Variants in TTYH2 observed in about 807,000 individuals in gnomAD.
The protein encoded by TTYH2 is protein tweety homolog 2.
A neutral mutation model predicts 68.3 loss-of-function variants in TTYH2; 49 were observed. That is an observed-to-expected ratio of 0.72 (90% CI 0.57 to 0.91). The LOEUF is 0.91. TTYH2 is among the 40% of genes least tolerant of loss of function. The pLI, the probability that TTYH2 is intolerant of heterozygous loss-of-function variation, is 0.00. For synonymous variants in TTYH2, 272 were observed against 300.8 expected, an observed-to-expected ratio of 0.90 and a Z score of 0.99; for missense variants, 631 against 700.4, an observed-to-expected ratio of 0.90 and a Z score of 1.12.
rs2050529029 is a variant in TTYH2 at position 74,243,989 on chromosome 17, T to C, written c.744T>C (p.Cys248=). ...GCCTCTCTCCTAGGATGCTGTGCTG[T>C]GGGGCACTGAGCCTGCTCCTCAGTT... ...SKCLLASMLC[C]GALSLLLSWA... is the part of the protein sequence containing the mutation. Residue 248 remains cysteine, a synonymous_variant, in exon 6 of 14, where the codon TGT becomes TGC. Coordinates refer to ENST00000269346, the MANE Select transcript of TTYH2 (RefSeq NM_032646.6). The C allele has an allele frequency of 1.9e-6, 3 of 1,612,028 alleles. No homozygotes were observed. The highest frequency in any genetic ancestry group is 1.1e-5 in the South Asian group (1 of 91,068).
intron 1 of TTYH2, among the ~76,000 whole-genome samples, chr17:74,216,415 A>C (rs555077445): frequency 6.6e-6 from 1 of 152,256 alleles, no homozygotes; most frequent in African/African-American, 2.4e-5. Context: ...GGGGGATCTC[A>C]AAGGCAAGGG....
In TTYH2 at chr17:74,217,921, C is replaced by A. The variant is rs887739442; in HGVS notation, c.129+4205C>A. Among the ~76,000 whole-genome samples, 1 of 151,664 alleles carries A rather than the reference C, an allele frequency of 6.6e-6. No individual in the cohort carries two copies. Among genetic ancestry groups the A allele is most frequent in the African/African-American group, 2.4e-5 (1 of 41,034 alleles). Reference sequence around the variant, plus strand: ...TGAGCACCAGTGTGGGAGCTGGGGGCCTGGTGTTGCTGTGGGACAAGGAGG... The same window carrying A: ...TGAGCACCAGTGTGGGAGCTGGGGGACTGGTGTTGCTGTGGGACAAGGAGG... On this transcript the variant is annotated intron_variant, in intron 1 of 13. Coordinates refer to ENST00000269346, the MANE Select transcript of TTYH2 (RefSeq NM_032646.6). This position sits in a 1 kb window ranked among gnomAD's most constrained non-coding sequence, Gnocchi z 4.0.
intron 13 of TTYH2, among the ~76,000 whole-genome samples, chr17:74,256,461 C>T (rs1371083584): frequency 2.0e-5 from 3 of 152,104 alleles, no homozygotes; most frequent in Non-Finnish European, 4.4e-5. Flanking sequence ...TGCTAGCAAG[C>T]CTGCTGGAAC....
rs776995545 is a variant in TTYH2 at position 74,222,634 on chromosome 17, C to T, written c.279C>T (p.Ala93=). ...QHHSCCITWT[A]VVAGLICCAA... ...ACTCCTGCTGCATCACCTGGACGGC[C>T]GTGGTGGCCGGGCTCATCTGCTGGT... The change falls in exon 2 of 14, where the codon GCC becomes GCT. Residue 93 remains alanine, a synonymous_variant. Coordinates refer to ENST00000269346, the MANE Select transcript of TTYH2 (RefSeq NM_032646.6). The surrounding 1 kb of genome is among the most constrained non-coding windows in gnomAD (Gnocchi z 5.2). 6.2e-6 allele frequency: 10 copies of T among 1,610,124 alleles called. No homozygotes were observed. The highest frequency in any genetic ancestry group is 5.5e-5 in the South Asian group (5 of 91,022).
intron 3 of TTYH2, among the ~76,000 whole-genome samples, chr17:74,236,825 G>T (rs947179578): frequency 1.3e-5 from 2 of 152,050 alleles, no homozygotes; most frequent in Admixed American, 1.3e-4. Context: ...TCCTCCAGGG[G>T]CACAGGCTCG....
At chr17:74,247,808 T>C (rs1180351130) in intron 6 of TTYH2, 1 of 152,332 alleles carries the variant, frequency 6.6e-6, no homozygotes, top group Non-Finnish European at 1.5e-5. Flanking sequence ...GGTTTGTGTA[T>C]AAAGCATTTC....
Position 74,233,679 on chromosome 17 carries a change from C to A in TTYH2, c.414+2680C>A, listed in dbSNP as rs528508924. The stretch of plus-strand genomic sequence containing the variant: ...AGTCCTCCTTTCCTGGACTGGAAGC[C>A]CCATACCTATGCACGTCCAACTAGA... On this transcript the variant is annotated intron_variant, in intron 3 of 13. Transcript: ENST00000269346. 2.0e-5 allele frequency among the ~76,000 whole-genome samples: 3 copies of A among 152,200 alleles called. No homozygotes were observed. The East Asian group carries it at 5.8e-4, about 29-fold the overall frequency.
rs533855127 is a variant in TTYH2, at chr17:74,214,251, A to T, written c.129+535A>T. On this transcript the variant is annotated intron_variant, in intron 1 of 13. Coordinates refer to ENST00000269346, the MANE Select transcript of TTYH2 (RefSeq NM_032646.6). This position sits in a 1 kb window ranked among gnomAD's most constrained non-coding sequence, Gnocchi z 4.6. ...CCCCAGCCCCGGCCTGCAGGGTGGG[A>T]GTCTCAGCTGGAAGGCTGCAGGGCT... is the stretch of plus-strand genomic sequence containing the variant. Among the ~76,000 whole-genome samples the T allele has an allele frequency of 2.0e-4, 30 of 152,022 alleles. No homozygotes were observed. The highest frequency in any genetic ancestry group is 6.5e-4 in the African/African-American group (27 of 41,448).
intron 1 of TTYH2, among the ~76,000 whole-genome samples, chr17:74,218,596 G>A (rs976320520): frequency 5.9e-5 from 9 of 152,116 alleles, no homozygotes; most frequent in Non-Finnish European, 2.9e-5. Context: ...GAGCTGGACA[G>A]CATTATCAGA....
chr17:74,260,330 C>A lies in TTYH2; in HGVS notation c.*121C>A. The A allele has an allele frequency of 1.0e-6, 1 of 1,002,272 alleles. No individual in the cohort carries two copies. Among genetic ancestry groups the A allele is most frequent in the Non-Finnish European group, 1.5e-6 (1 of 655,934 alleles). 62.1% of individuals were successfully genotyped at this position (1,002,272 alleles called of 1,614,324 possible). A position where few individuals can be genotyped will look rare whatever the true frequency, so the allele number is the denominator to read the frequency against. On this transcript the variant is annotated 3_prime_UTR_variant, in exon 14 of 14. Transcript: ENST00000269346. ...GAGCCCGAGAGGCCTCCTGCTGTGG[C>A]AGAGGAGCAGCTGGGATTCCCGACC...
chr17:74,252,160 T>A, intron 10 of TTYH2, 74 bp from the exon 11 acceptor site: 1 of 1,583,974 alleles, frequency 6.3e-7, no homozygotes, highest in Non-Finnish European at 8.6e-7. Flanking sequence ...GGAGAGGGAC[T>A]TCCAGAGGAG....
At chr17:74,247,218 C>G in intron 6 of TTYH2, among the ~76,000 whole-genome samples, 1 of 150,564 alleles carries the variant, frequency 6.6e-6, no homozygotes, top group East Asian at 2.0e-4. Context: ...TCTTGTGAGA[C>G]TTATTCATTA....
rs2050227333 is a variant in TTYH2, at chr17:74,217,002, T to C, written c.129+3286T>C. On this transcript the variant is annotated intron_variant, in intron 1 of 13. Transcript: ENST00000269346. This position sits in a 1 kb window ranked among gnomAD's most constrained non-coding sequence, Gnocchi z 4.0. ...CAGCCAGCCGGTGTCCACTGGGCAG[T>C]GTTGGGGAGAAGGGAATGGGCACCT... Among the ~76,000 whole-genome samples the C allele has an allele frequency of 6.6e-6, 1 of 152,176 alleles. No individual in the cohort carries two copies. The highest frequency in any genetic ancestry group is 1.9e-4 in the East Asian group (1 of 5,190).
intron 6 of TTYH2, among the ~76,000 whole-genome samples, chr17:74,245,620 A>C (rs2050549523): frequency 6.6e-6 from 1 of 152,202 alleles, no homozygotes; most frequent in Admixed American, 6.5e-5. Flanking sequence ...GGAGCTGGGG[A>C]GAAAGGCCAT....
At chr17:74,223,370 C>T (rs1339516016) in intron 2 of TTYH2, among the ~76,000 whole-genome samples, 1 of 152,090 alleles carries the variant, frequency 6.6e-6, no homozygotes, top group Non-Finnish European at 1.5e-5. Flanking sequence ...AAGTGATCCA[C>T]CTGCCTCAGC....
At chr17:74,237,270 C>T (rs2143748895) in intron 3 of TTYH2, 24 bp from the exon 4 acceptor site, 1 of 1,611,348 alleles carries the variant, frequency 6.2e-7, no homozygotes, top group African/African-American at 1.3e-5. Flanking sequence ...ACCTCCATGG[C>T]TTTTGCCCCC....
chr17:74,238,283 G>A (rs1463622344), intron 4 of TTYH2, among the ~76,000 whole-genome samples: 2 of 152,230 alleles, frequency 1.3e-5, no homozygotes, highest in Admixed American at 6.5e-5. Flanking sequence ...GGCTAAGGGT[G>A]CTAAGAAGTT....
chr17:74,255,919 A>G (rs9896279), intron 13 of TTYH2, among the ~76,000 whole-genome samples: 106,687 of 152,158 alleles, frequency 0.7, 38,880 homozygotes, highest in African/African-American at 0.92. Flanking sequence ...ACTGGGGCCC[A>G]AATACCTGGG....
rs2050236884 is a variant in TTYH2 at position 74,217,925 on chromosome 17, G to A, written c.129+4209G>A. Reference sequence around the variant, plus strand: ...CACCAGTGTGGGAGCTGGGGGCCTGGTGTTGCTGTGGGACAAGGAGGTGGC... The same window carrying A: ...CACCAGTGTGGGAGCTGGGGGCCTGATGTTGCTGTGGGACAAGGAGGTGGC... On this transcript the variant is annotated intron_variant, in intron 1 of 13. Coordinates refer to ENST00000269346, the MANE Select transcript of TTYH2 (RefSeq NM_032646.6). This position sits in a 1 kb window ranked among gnomAD's most constrained non-coding sequence, Gnocchi z 4.0. 6.6e-6 allele frequency among the ~76,000 whole-genome samples: 1 copy of A among 151,772 alleles called. No homozygotes were observed. The highest frequency in any genetic ancestry group is 2.1e-4 in the South Asian group (1 of 4,828).
Sources: gnomAD v4.1 joint callset for allele counts (sites outside exome capture counted in the v4.1 genomes callset) on GRCh38, gnomAD v4.1.1 for gene constraint, Gnocchi (gnomAD v3.1) non-coding constraint, MANE v1.5 for transcripts, NCBI Gene and HGNC (gene_info 2026-07-23, HGNC 2026-07-21) for gene names.